Variants in LUZP2 observed in about 807,000 individuals in gnomAD.
LUZP2 encodes leucine zipper protein 2.
A neutral mutation model predicts 51.6 loss-of-function variants in LUZP2; 52 were observed. The ratio of observed to expected loss-of-function variants is 1.01; its 90% CI spans 0.81 to 1.27. The LOEUF is 1.27. Ranked by LOEUF, LUZP2 falls within the 50% of genes most tolerant of loss-of-function variation. LUZP2 has a pLI of 0.00. For synonymous variants in LUZP2, 154 were observed against 137.3 expected (o/e 1.12, Z -0.85); for missense variants, 436 against 395.4 (o/e 1.10, Z -0.87).
chr11:24,587,647 T>A (rs115009995), intron 1 of LUZP2, among the ~76,000 whole-genome samples: 2,922 of 152,176 alleles, frequency 0.019, 94 homozygotes, highest in African/African-American at 0.065. Context: ...ACTCAAAACA[T>A]CTTGTGATGA....
intron 5 of LUZP2, among the ~76,000 whole-genome samples, chr11:24,767,924 A>G (rs1321613593): frequency 1.3e-5 from 2 of 152,082 alleles, no homozygotes; most frequent in African/African-American, 2.4e-5. Context: ...AAAGGTCAGA[A>G]TTTATTCTGA....
At chr11:24,920,376 T>G (rs1044595297) in intron 7 of LUZP2, among the ~76,000 whole-genome samples, 1 of 152,054 alleles carries the variant, frequency 6.6e-6, no homozygotes, top group Non-Finnish European at 1.5e-5. Flanking sequence ...TGTTAGTTTC[T>G]ATATGCATAC....
At chr11:24,959,591 A>G (rs1396817684) in intron 7 of LUZP2, among the ~76,000 whole-genome samples, 2 of 152,126 alleles carry the variant, frequency 1.3e-5, no homozygotes, top group Non-Finnish European at 2.9e-5. Flanking sequence ...TGATTTTTGT[A>G]CATTGATTTT....
chr11:25,055,141 G>C (rs1318636793), intron 10 of LUZP2, among the ~76,000 whole-genome samples: 10 of 146,490 alleles, frequency 6.8e-5, no homozygotes, highest in Non-Finnish European at 1.6e-5. Flanking sequence ...CTCCTGAGTA[G>C]CTGGGACTAC....
At chr11:24,676,008 G>A (rs1348910595) in intron 1 of LUZP2, among the ~76,000 whole-genome samples, 2 of 151,606 alleles carry the variant, frequency 1.3e-5, no homozygotes, top group East Asian at 1.9e-4. Flanking sequence ...TAGTAGAGAC[G>A]GAGTTTCACC....
chr11:24,913,100 A>G (rs1590721297), intron 6 of LUZP2, among the ~76,000 whole-genome samples: 1 of 152,274 alleles, frequency 6.6e-6, no homozygotes, highest in South Asian at 2.1e-4. Context: ...GTACAGTCTG[A>G]TGGATTTGAC....
chr11:24,723,086 C>T (rs1332791643), intron 1 of LUZP2, among the ~76,000 whole-genome samples: 6 of 152,058 alleles, frequency 3.9e-5, no homozygotes, highest in Non-Finnish European at 7.4e-5. Context: ...CATGAGTGAG[C>T]ATTTTATAAA....
chr11:24,497,507 A>C (rs1055079342), intron 1 of LUZP2, among the ~76,000 whole-genome samples: 1 of 152,196 alleles, frequency 6.6e-6, no homozygotes, highest in Non-Finnish European at 1.5e-5. Flanking sequence ...CCCTGGAGAA[A>C]GTCTTAGGAT....
intron 5 of LUZP2, among the ~76,000 whole-genome samples, chr11:24,874,352 C>A (rs1262912421): frequency 1.3e-5 from 2 of 152,076 alleles, no homozygotes; most frequent in African/African-American, 4.8e-5. Flanking sequence ...GGGCTGTAGG[C>A]AGGTGAAACA....
Position 24,795,003 on chromosome 11 carries a change from A to G in LUZP2, c.396+31695A>G, listed in dbSNP as rs559249655. Among the ~76,000 whole-genome samples, 30 of 152,242 alleles carry G rather than the reference A, an allele frequency of 2.0e-4. No individual in the cohort carries two copies. In the South Asian group the frequency reaches 6.0e-3, roughly 31 times the overall value. On this transcript the variant is annotated intron_variant, in intron 5 of 11. Coordinates refer to ENST00000336930, the MANE Select transcript of LUZP2 (RefSeq NM_001009909.4). ...GATAGAGGGCAGATGGAAGTTAAAT[A>G]CTGTTAAAACTCACTTGCAAGTAGA... is the stretch of plus-strand genomic sequence containing the variant.
chr11:24,967,326 A>G (rs975683726), intron 7 of LUZP2, among the ~76,000 whole-genome samples: 3 of 151,966 alleles, frequency 2.0e-5, no homozygotes, highest in African/African-American at 7.2e-5. Flanking sequence ...TTCAACAGCA[A>G]AAATATTTTA....
chr11:24,614,052 T>C (rs1484047654), intron 1 of LUZP2, among the ~76,000 whole-genome samples: 1 of 152,024 alleles, frequency 6.6e-6, no homozygotes, highest in Non-Finnish European at 1.5e-5. Context: ...AACTCATTCA[T>C]TGTCCAGTAC....
chr11:24,538,380 C>A (rs183680882), intron 1 of LUZP2, among the ~76,000 whole-genome samples: 1 of 151,618 alleles, frequency 6.6e-6, no homozygotes, highest in Admixed American at 6.6e-5. Context: ...GGAAATAAAT[C>A]TTCATGACCT....
At chr11:24,896,118 G>C (rs1853035329) in intron 5 of LUZP2, among the ~76,000 whole-genome samples, 1 of 152,352 alleles carries the variant, frequency 6.6e-6, no homozygotes, top group Non-Finnish European at 1.5e-5. Flanking sequence ...TCCATATTGA[G>C]AGATGACAAC....
intron 5 of LUZP2, among the ~76,000 whole-genome samples, chr11:24,828,626 A>G (rs1009692986): frequency 3.8e-4 from 57 of 151,724 alleles, no homozygotes; most frequent in African/African-American, 1.0e-3. Context: ...TTTAAAATCA[A>G]CTTCTGAATG....
At chr11:24,520,079 A>G (rs1850595535) in intron 1 of LUZP2, among the ~76,000 whole-genome samples, 1 of 152,232 alleles carries the variant, frequency 6.6e-6, no homozygotes, top group South Asian at 2.1e-4. Context: ...AAATGGCATA[A>G]TAAAGCATAA....
intron 5 of LUZP2, among the ~76,000 whole-genome samples, chr11:24,819,649 G>T (rs992473296): frequency 6.6e-6 from 1 of 151,934 alleles, no homozygotes; most frequent in Non-Finnish European, 1.5e-5. Flanking sequence ...AAACATTTAT[G>T]GTACATAGTG....
chr11:25,017,361 T>A (rs1290078588), intron 9 of LUZP2, among the ~76,000 whole-genome samples: 1 of 152,014 alleles, frequency 6.6e-6, no homozygotes, highest in Admixed American at 6.6e-5. Context: ...TCCAGAAGAG[T>A]TTTTCCTAGA....
intron 1 of LUZP2, 43 bp downstream of exon 1, chr11:24,497,348 CG>C (rs749807282): frequency 1.4e-6 from 2 of 1,434,626 alleles, no homozygotes; most frequent in Non-Finnish European, 1.9e-6. Context: ...GGGGCGCTGC[CG>C]GGGCGAGGTT....
Sources: gnomAD v4.1 joint callset for allele counts (sites outside exome capture counted in the v4.1 genomes callset) on GRCh38, gnomAD v4.1.1 for gene constraint, MANE v1.5 for transcripts, NCBI Gene and HGNC (gene_info 2026-07-23, HGNC 2026-07-21) for gene names.